Variants in ATP2B2 observed in about 807,000 individuals in gnomAD.
ATP2B2 encodes the protein ATPase plasma membrane Ca2+ transporting 2.
Under a neutral mutation model 120.0 loss-of-function variants are expected in ATP2B2, and 15 were observed. The observed-to-expected ratio is 0.12, with a 90% CI of 0.08 to 0.19. The LOEUF is 0.19. Among genes scored for constraint, ATP2B2 ranks in the 10% least tolerant of loss-of-function variants. ATP2B2 has a pLI of 1.00. For synonymous variants in ATP2B2, 694 were observed against 700.3 expected (o/e 0.99, Z 0.14); for missense variants, 1,045 against 1,719.8 (o/e 0.61, Z 6.94).
intron 2 of ATP2B2, among the ~76,000 whole-genome samples, chr3:10,541,378 T>A (rs35744784): frequency 0.036 from 5,411 of 152,252 alleles, 156 homozygotes; most frequent in Non-Finnish European, 0.061. Context: ...ATTTCAGAAT[T>A]CTTTATTTGC....
intron 2 of ATP2B2, among the ~76,000 whole-genome samples, chr3:10,446,059 G>C (rs1463505561): frequency 1.3e-5 from 2 of 152,224 alleles, no homozygotes; most frequent in East Asian, 3.9e-4. Flanking sequence ...ATGGGGCTGA[G>C]TTCAAAGCCT....
rs2061464933 is a variant in ATP2B2 at position 10,379,271 on chromosome 3, A to G, written c.1014T>C (p.Asp338=). 12 of 1,614,032 alleles carry G rather than the reference A, an allele frequency of 7.4e-6. No homozygotes were observed. The highest frequency in any genetic ancestry group is 1.0e-5 in the Non-Finnish European group (12 of 1,179,984). The change falls in exon 9 of 23, where the codon GAT becomes GAC. Residue 338 remains aspartate, a synonymous_variant. Transcript: ENST00000360273. The part of the protein sequence containing the change: ...NASLVNGKMQ[D]GNVDASQSKA... ...TGCTCTGGCTGGCGTCCACATTGCCATCCTGCATTTTACCTACACGACAAA... is the reference window on the plus strand; with the variant it reads ...TGCTCTGGCTGGCGTCCACATTGCCGTCCTGCATTTTACCTACACGACAAA...
At chr3:10,634,074 C>A (rs546770941) in intron 1 of ATP2B2, among the ~76,000 whole-genome samples, 5 of 152,310 alleles carry the variant, frequency 3.3e-5, no homozygotes, top group African/African-American at 1.2e-4. Context: ...GGACGCTTCC[C>A]TGTGAGGAGG....
At chr3:10,447,664 A>G (rs1420526257) in intron 2 of ATP2B2, among the ~76,000 whole-genome samples, 1 of 152,192 alleles carries the variant, frequency 6.6e-6, no homozygotes, top group Non-Finnish European at 1.5e-5. Flanking sequence ...TCATGTGCCA[A>G]CCTGATGGTG....
At chr3:10,491,387 G>A (rs534741609) in intron 1 of ATP2B2, among the ~76,000 whole-genome samples, 7 of 152,002 alleles carry the variant, frequency 4.6e-5, no homozygotes, top group Admixed American at 6.5e-5. Context: ...CACCATGCCC[G>A]GCTAATTTTT....
At chr3:10,469,821 A>G (rs2287441) in intron 1 of ATP2B2, among the ~76,000 whole-genome samples, 2,650 of 152,260 alleles carry the variant, frequency 0.017, 66 homozygotes, top group African/African-American at 0.053. Context: ...GATCTGCCCT[A>G]AGCCCTCTTG....
intron 1 of ATP2B2, among the ~76,000 whole-genome samples, chr3:10,639,755 T>G (rs895469234): frequency 1.3e-5 from 2 of 152,142 alleles, no homozygotes; most frequent in African/African-American, 4.8e-5. Flanking sequence ...GCTGGAACCA[T>G]GGCAGAGGCC....
chr3:10,573,657 G>T (rs1238889702), intron 2 of ATP2B2, among the ~76,000 whole-genome samples: 3 of 152,174 alleles, frequency 2.0e-5, no homozygotes, highest in Admixed American at 1.3e-4. Context: ...CCTTCAGCAA[G>T]AACTGGCTGG....
intron 12 of ATP2B2, among the ~76,000 whole-genome samples, chr3:10,363,288 T>C (rs998686932): frequency 6.6e-6 from 1 of 152,220 alleles, no homozygotes; most frequent in East Asian, 1.9e-4. Flanking sequence ...GTTTTGCTCC[T>C]GCTGTAAAAT....
At chr3:10,548,725 C>T (rs2125508084) in intron 2 of ATP2B2, among the ~76,000 whole-genome samples, 1 of 152,318 alleles carries the variant, frequency 6.6e-6, no homozygotes, top group South Asian at 2.1e-4. Flanking sequence ...ACTACTTGCA[C>T]TTGAATCGTC....
Position 10,375,967 on chromosome 3 carries a change from T to A in ATP2B2, c.1202-323A>T, listed in dbSNP as rs941692930. On this transcript the variant is annotated intron_variant, in intron 10 of 22. Coordinates refer to ENST00000360273, the MANE Select transcript of ATP2B2 (RefSeq NM_001001331.4). This position sits in a 1 kb window ranked among gnomAD's most constrained non-coding sequence, Gnocchi z 4.2. ...CGACACATAGTAGGTGCTCAAGAGA[T>A]GTGTGCCGAGTGACTGTGTGAATAA... is the stretch of plus-strand genomic sequence containing the variant. 7.2e-5 allele frequency among the ~76,000 whole-genome samples: 11 copies of A among 152,246 alleles called. No homozygotes were observed. Among genetic ancestry groups the A allele is most frequent in the African/African-American group, 1.2e-4 (5 of 41,460 alleles).
At chr3:10,569,130 T>A (rs2068070582) in intron 2 of ATP2B2, among the ~76,000 whole-genome samples, 1 of 152,114 alleles carries the variant, frequency 6.6e-6, no homozygotes, top group Admixed American at 6.6e-5. Context: ...CCAGGGAGTA[T>A]CAGAGCCAAG....
intron 2 of ATP2B2, among the ~76,000 whole-genome samples, chr3:10,542,765 GT>G (rs2067467230): frequency 6.6e-6 from 1 of 152,120 alleles, no homozygotes; most frequent in Non-Finnish European, 1.5e-5. Flanking sequence ...CAAGATTTTT[GT>G]TTTGTTTTTA....
chr3:10,542,190 C>A (rs908338675), intron 2 of ATP2B2, among the ~76,000 whole-genome samples: 12 of 152,098 alleles, frequency 7.9e-5, no homozygotes, highest in African/African-American at 2.7e-4. Flanking sequence ...TCATGTTTTT[C>A]AATCCACTCT....
chr3:10,586,582 C>G (rs2068514794), intron 2 of ATP2B2, among the ~76,000 whole-genome samples: 1 of 152,132 alleles, frequency 6.6e-6, no homozygotes, highest in Non-Finnish European at 1.5e-5. Context: ...AGGGGGAGAA[C>G]CTCTGAGGTT....
chr3:10,516,854 C>T (rs986720084), intron 3 of ATP2B2, among the ~76,000 whole-genome samples: 7 of 152,272 alleles, frequency 4.6e-5, no homozygotes, highest in South Asian at 2.1e-4. Flanking sequence ...TGGAATTGTA[C>T]GGTGAGCTGA....
At chr3:10,578,633 A>G (rs995735396) in intron 2 of ATP2B2, among the ~76,000 whole-genome samples, 3 of 152,212 alleles carry the variant, frequency 2.0e-5, no homozygotes, top group African/African-American at 7.2e-5. Context: ...TTAATTCACT[A>G]TAGCTTAAGA....
chr3:10,541,136 G>A (rs1024002897), intron 2 of ATP2B2, among the ~76,000 whole-genome samples: 2 of 152,038 alleles, frequency 1.3e-5, no homozygotes, highest in African/African-American at 4.8e-5. Flanking sequence ...TTGGTCATGT[G>A]TGTCTTCTCT....
chr3:10,686,215 A>C (rs573571948), intron 1 of ATP2B2, among the ~76,000 whole-genome samples: 42 of 152,186 alleles, frequency 2.8e-4, no homozygotes, highest in African/African-American at 9.2e-4. Flanking sequence ...ACTGTTCCCC[A>C]CAGAAAAGCA....
Sources: gnomAD v4.1 joint callset for allele counts (sites outside exome capture counted in the v4.1 genomes callset) on GRCh38, gnomAD v4.1.1 for gene constraint, Gnocchi (gnomAD v3.1) non-coding constraint, MANE v1.5 for transcripts, NCBI Gene and HGNC (gene_info 2026-07-23, HGNC 2026-07-21) for gene names.